The following GPC3 variants were observed in gnomAD, a reference collection of about 807,000 sequenced individuals.
GPC3 encodes the protein glypican 3, also known as glypican-3.
A neutral mutation model predicts 34.4 loss-of-function variants in GPC3; 3 were observed. The ratio of observed to expected loss-of-function variants is 0.09; its 90% confidence interval spans 0.04 to 0.23. The LOEUF is 0.23. Ranked by LOEUF, GPC3 falls within the 10% of genes least tolerant of loss-of-function variation. GPC3 has a pLI of 1.00. For missense variants in GPC3, 351 were observed against 445.6 expected (o/e 0.79, Z 1.91); for synonymous variants, 177 against 174.0 (o/e 1.02, Z -0.13).
intron 3 of GPC3, among the ~76,000 whole-genome samples, chrX:133,744,347 C>A (rs2071591801): frequency 8.9e-6 from 1 of 112,440 alleles, no homozygotes; most frequent in Non-Finnish European, 1.9e-5. Flanking sequence ...AAAAAGTGGG[C>A]AAAGCATATG....
At chrX:133,556,068 T>C (rs1020563242) in intron 7 of GPC3, among the ~76,000 whole-genome samples, 1 of 111,609 alleles carries the variant, frequency 9.0e-6, no homozygotes, top group African/African-American at 3.3e-5. Context: ...TGAACTCTTC[T>C]TTCAATTACC....
intron 2 of GPC3, among the ~76,000 whole-genome samples, chrX:133,791,843 T>C (rs371867978): frequency 1.7e-5 from 1 of 58,601 alleles, no homozygotes; most frequent in East Asian, 4.5e-4. Flanking sequence ...CTTCCTTCCT[T>C]CCTTCCTCCC....
chrX:133,925,264 T>G (rs1048191894), intron 2 of GPC3, among the ~76,000 whole-genome samples: 1 of 110,031 alleles, frequency 9.1e-6, no homozygotes, highest in Non-Finnish European at 1.9e-5. Context: ...GGTACTGGGC[T>G]GAAAACCAGA....
intron 2 of GPC3, among the ~76,000 whole-genome samples, chrX:133,861,748 C>T: frequency 9.0e-6 from 1 of 110,500 alleles, no homozygotes; most frequent in African/African-American, 3.3e-5. Flanking sequence ...GTGTGTGGCA[C>T]CTCCTCTCCC....
chrX:133,754,296 A>C (rs1261061794), intron 2 of GPC3, 120 bp from the exon 3 acceptor site: 1 of 530,257 alleles, frequency 1.9e-6, no homozygotes, highest in Non-Finnish European at 3.1e-6. Flanking sequence ...CATTTGCGTT[A>C]AATAATTGAC....
chrX:133,722,261 TG>T (rs754214136), intron 3 of GPC3, among the ~76,000 whole-genome samples: 4 of 111,686 alleles, frequency 3.6e-5, no homozygotes, highest in Non-Finnish European at 5.6e-5. Context: ...TGATTTAAGA[TG>T]TTTTTTTCTG....
intron 2 of GPC3, among the ~76,000 whole-genome samples, chrX:133,758,613 G>T (rs1423762269): frequency 9.0e-6 from 1 of 110,770 alleles, no homozygotes; most frequent in African/African-American, 3.3e-5. Flanking sequence ...ATACCTAGGT[G>T]ATAGGTTGCT....
At chrX:133,692,659 T>TA (rs35560387) in intron 4 of GPC3, among the ~76,000 whole-genome samples, 165 bp from the exon 5 acceptor site, 12 of 112,096 alleles carry the variant, frequency 1.1e-4, no homozygotes, top group Non-Finnish European at 7.5e-5. Flanking sequence ...AGTTTTTTTT[T>TA]AAAAATCAAT....
chrX:133,702,968 T>C (rs1490646076), intron 3 of GPC3, among the ~76,000 whole-genome samples: 1 of 112,502 alleles, frequency 8.9e-6, no homozygotes, highest in African/African-American at 3.2e-5. Flanking sequence ...TATTATGAGC[T>C]TATTTTGAGA....
intron 7 of GPC3, among the ~76,000 whole-genome samples, chrX:133,555,039 T>C (rs1317113119): frequency 8.9e-6 from 1 of 112,308 alleles, no homozygotes; most frequent in African/African-American, 3.2e-5. Context: ...GACATGCCAC[T>C]ACACCCAGGT....
At chrX:133,700,744 C>T (rs1041878007) in intron 3 of GPC3, among the ~76,000 whole-genome samples, 3 of 110,640 alleles carry the variant, frequency 2.7e-5, no homozygotes, top group South Asian at 3.9e-4. Flanking sequence ...GGCATGGTGG[C>T]GTACACCTGT....
At chrX:133,640,759 C>G (rs1238636504) in intron 6 of GPC3, among the ~76,000 whole-genome samples, 2 of 112,263 alleles carry the variant, frequency 1.8e-5, no homozygotes, top group Admixed American at 1.9e-4. Context: ...ATTTTTCACA[C>G]GTAGAACTAT....
Position 133,568,919 on chromosome X carries a change from C to A in GPC3, c.1573+27521G>T, listed in dbSNP as rs188589943. 2.5e-4 allele frequency among the ~76,000 whole-genome samples: 28 copies of A among 111,970 alleles called. No homozygotes were observed. In the East Asian group the frequency reaches 7.4e-3, roughly 29 times the overall value. ...AGGTGACTTACACCTGTAATCCTAG[C>A]ACTTTGAGAGGTGGAGGCAGGTGGA... On this transcript the variant is annotated intron_variant, in intron 7 of 7. Coordinates refer to ENST00000370818, the MANE Select transcript of GPC3 (RefSeq NM_004484.4).
intron 7 of GPC3, among the ~76,000 whole-genome samples, chrX:133,556,645 GTGGTACAGAT>G (rs2069490970): frequency 9.2e-6 from 1 of 108,683 alleles, no homozygotes; most frequent in South Asian, 4.2e-4. Flanking sequence ...AAGACAGAAG[GTGGTACAGAT>G]TGGTTGGAGA....
At chrX:133,684,940 C>T (rs898570012) in intron 5 of GPC3, among the ~76,000 whole-genome samples, 3 of 106,972 alleles carry the variant, frequency 2.8e-5, no homozygotes, top group Non-Finnish European at 5.8e-5. Context: ...AAGGTCTTTC[C>T]TTGTTTCCAT....
At chrX:133,573,879 A>T (rs1603168202) in intron 7 of GPC3, among the ~76,000 whole-genome samples, 1 of 112,402 alleles carries the variant, frequency 8.9e-6, no homozygotes, top group East Asian at 2.8e-4. Flanking sequence ...GCTATAAACA[A>T]GTAGCCTTAT....
intron 2 of GPC3, among the ~76,000 whole-genome samples, chrX:133,899,144 C>T (rs1053435634): frequency 4.5e-5 from 5 of 112,082 alleles, no homozygotes; most frequent in Non-Finnish European, 9.4e-5. Context: ...TACACATTGC[C>T]GTATGGATAT....
chrX:133,543,420 A>C (rs2069358609), intron 7 of GPC3, among the ~76,000 whole-genome samples: 1 of 112,190 alleles, frequency 8.9e-6, no homozygotes, highest in African/African-American at 3.2e-5. Context: ...CACCTGGCCC[A>C]CAATCTGCCT....
chrX:133,886,481 G>A (rs1470354071), intron 2 of GPC3, among the ~76,000 whole-genome samples: 1 of 111,932 alleles, frequency 8.9e-6, no homozygotes, highest in African/African-American at 3.2e-5. Context: ...ACAAAGTGAT[G>A]TTATATGTAT....
Sources: gnomAD v4.1 joint callset for allele counts (sites outside exome capture counted in the v4.1 genomes callset) on GRCh38, gnomAD v4.1.1 for gene constraint, MANE v1.5 for transcripts, NCBI Gene and HGNC (gene_info 2026-07-23, HGNC 2026-07-21) for gene names.